TCF20: variants seen among roughly 807,000 people sequenced by gnomAD.
The protein encoded by TCF20 is transcription factor 20.
Under a neutral mutation model 148.6 loss-of-function variants are expected in TCF20, and 3 were observed. The ratio of observed to expected loss-of-function variants is 0.02; its 90% CI spans 0.01 to 0.05. The LOEUF (loss-of-function observed/expected upper bound fraction) is 0.05, where lower values mean the gene tolerates loss of function less well. Among genes scored for constraint, TCF20 ranks in the 10% least tolerant of loss-of-function variants. The pLI, the probability that TCF20 is intolerant of heterozygous loss-of-function variation, is 1.00. For synonymous variants in TCF20, 1,049 were observed against 909.5 expected (o/e 1.15, Z -2.76); for missense variants, 2,350 against 2,429.3 (o/e 0.97, Z 0.69).
intron 1 of TCF20, among the ~76,000 whole-genome samples, chr22:42,244,562 A>G (rs1924748044): frequency 1.3e-5 from 2 of 152,324 alleles, no homozygotes; most frequent in Non-Finnish European, 2.9e-5. Flanking sequence ...GTACGATTCC[A>G]TCTAATGAAA....
At chr22:42,234,152 A>T (rs1266471236) in intron 1 of TCF20, among the ~76,000 whole-genome samples, 1 of 152,376 alleles carries the variant, frequency 6.6e-6, no homozygotes, top group African/African-American at 2.4e-5. Context: ...GCAGAAGTCG[A>T]GTCCAAACAA....
At chr22:42,301,710 G>A (rs1339197640) in intron 1 of TCF20, among the ~76,000 whole-genome samples, 2 of 152,240 alleles carry the variant, frequency 1.3e-5, no homozygotes, top group Non-Finnish European at 2.9e-5. Context: ...TTTGCAGGCT[G>A]GGGAGACCTG....
At chr22:42,202,233 C>T (rs1938078429) in intron 2 of TCF20, among the ~76,000 whole-genome samples, 1 of 152,210 alleles carries the variant, frequency 6.6e-6, no homozygotes, top group Non-Finnish European at 1.5e-5. Flanking sequence ...ACTAAGACAA[C>T]AATGAGGGAG....
At chr22:42,224,655 A>G (rs1244777412) in intron 1 of TCF20, among the ~76,000 whole-genome samples, 3 of 152,014 alleles carry the variant, frequency 2.0e-5, no homozygotes, top group Non-Finnish European at 4.4e-5. Flanking sequence ...TCACTCCAGT[A>G]ATATGTATTA....
intron 1 of TCF20, among the ~76,000 whole-genome samples, chr22:42,234,198 C>G (rs1923677852): frequency 6.6e-6 from 1 of 152,150 alleles, no homozygotes; most frequent in Non-Finnish European, 1.5e-5. Flanking sequence ...GGCTAACAAC[C>G]TTAGAAAGAA....
chr22:42,267,821 C>G (rs2146994828), intron 1 of TCF20, among the ~76,000 whole-genome samples: 1 of 152,280 alleles, frequency 6.6e-6, no homozygotes, highest in East Asian at 1.9e-4. Context: ...TGCTGGGATC[C>G]TTTTGGAAAC....
At chr22:42,323,379 G>A (rs1406381042) in intron 1 of TCF20, among the ~76,000 whole-genome samples, 5 of 151,912 alleles carry the variant, frequency 3.3e-5, no homozygotes, top group Admixed American at 1.3e-4. Flanking sequence ...AGACAGCAGC[G>A]ACTGGATTCT....
intron 1 of TCF20, among the ~76,000 whole-genome samples, chr22:42,241,569 G>GT (rs1383691472): frequency 6.6e-6 from 1 of 152,204 alleles, no homozygotes; most frequent in Non-Finnish European, 1.5e-5. Context: ...GCTCATACTT[G>GT]TAATTCCAGC....
intron 1 of TCF20, among the ~76,000 whole-genome samples, chr22:42,222,335 A>G (rs1009135324): frequency 1.3e-5 from 2 of 152,038 alleles, no homozygotes; most frequent in Admixed American, 1.3e-4. Flanking sequence ...TTACCATGCT[A>G]CCTCATCATG....
At position 42,210,938 on chromosome 22, in the gene TCF20, G is replaced by C. The variant is rs764607943; in HGVS notation, c.4368C>G (p.Ala1456=). 1 of 1,614,028 alleles carries C rather than the reference G, an allele frequency of 6.2e-7. No homozygotes were observed. The highest frequency in any genetic ancestry group is 1.7e-5 in the Admixed American group (1 of 60,010). Residue 1456 remains alanine, a synonymous_variant, in exon 2 of 6, where the codon GCC becomes GCG. Coordinates refer to ENST00000677622, the MANE Select transcript of TCF20 (RefSeq NM_001378418.1). This position sits in a 1 kb window ranked among gnomAD's most constrained non-coding sequence, Gnocchi z 4.7. ...TCATGGCACCAGGGGGTTCCTTTCC[G>C]GCAGTAACTGTTTCTGCATGTGTCT... The part of the protein sequence containing the change: ...KTETHAETVT[A]GKEPPGAMTS...
intron 2 of TCF20, among the ~76,000 whole-genome samples, chr22:42,208,187 CA>C (rs1226651478): frequency 1.3e-5 from 2 of 151,562 alleles, no homozygotes; most frequent in Non-Finnish European, 2.9e-5. Flanking sequence ...AAAACAAAAA[CA>C]AAAAATACGT....
chr22:42,303,333 C>A (rs1460425206), intron 1 of TCF20, among the ~76,000 whole-genome samples: 1 of 152,270 alleles, frequency 6.6e-6, no homozygotes, highest in Non-Finnish European at 1.5e-5. Flanking sequence ...TCCACACTAT[C>A]GTGCAGAGGA....
At chr22:42,230,041 G>T (rs985757448) in intron 1 of TCF20, among the ~76,000 whole-genome samples, 11 of 152,170 alleles carry the variant, frequency 7.2e-5, no homozygotes, top group African/African-American at 2.7e-4. Context: ...AAAAAGATCT[G>T]ATTAATTCAC....
At chr22:42,296,986 G>A (rs1927248962) in intron 1 of TCF20, among the ~76,000 whole-genome samples, 1 of 152,214 alleles carries the variant, frequency 6.6e-6, no homozygotes, top group South Asian at 2.1e-4. Context: ...TCCAAAGGAA[G>A]GTGCTATAGT....
At chr22:42,207,717 A>G (rs1174907813) in intron 2 of TCF20, among the ~76,000 whole-genome samples, 1 of 152,238 alleles carries the variant, frequency 6.6e-6, no homozygotes, top group Non-Finnish European at 1.5e-5. Flanking sequence ...CAGGAGGCTG[A>G]GGCAAGAGAA....
intron 1 of TCF20, among the ~76,000 whole-genome samples, chr22:42,323,201 C>A (rs1927767231): frequency 6.6e-6 from 1 of 151,764 alleles, no homozygotes; most frequent in Admixed American, 6.6e-5. Context: ...CACGCCCAGC[C>A]CACCTGGCTG....
At chr22:42,285,758 C>T (rs995760763), upstream of TCF20, among the ~76,000 whole-genome samples, 1 of 152,014 alleles carries the variant, frequency 6.6e-6, no homozygotes, top group Admixed American at 6.6e-5. This position sits in a 1 kb window ranked among gnomAD's most constrained non-coding sequence, Gnocchi z 4.2. Flanking sequence ...AAGGTGTGAG[C>T]CACCGCACCC....
chr22:42,179,573 G>T (rs906428879), intron 3 of TCF20, 36 bp downstream of exon 3: 1 of 1,427,720 alleles, frequency 7.0e-7, no homozygotes, highest in Non-Finnish European at 9.9e-7. Context: ...CTAATCCTTT[G>T]GATGCTCTGG....
At chr22:42,261,114 T>C (rs545961008) in intron 1 of TCF20, among the ~76,000 whole-genome samples, 8 of 152,328 alleles carry the variant, frequency 5.3e-5, no homozygotes, top group African/African-American at 1.7e-4. Context: ...ACCCATTACA[T>C]ATGATTTTTG....
Sources: gnomAD v4.1 joint callset for allele counts (sites outside exome capture counted in the v4.1 genomes callset) on GRCh38, gnomAD v4.1.1 for gene constraint, Gnocchi (gnomAD v3.1) non-coding constraint, MANE v1.5 for transcripts, NCBI Gene and HGNC (gene_info 2026-07-23, HGNC 2026-07-21) for gene names.